The following CCDC148 variants were observed in gnomAD, a reference collection of about 807,000 sequenced individuals.
The protein encoded by CCDC148 is coiled-coil domain-containing protein 148.
CCDC148 carries 89 observed loss-of-function variants against 85.7 expected under a neutral mutation model. That is an observed-to-expected ratio of 1.04 (90% confidence interval 0.87 to 1.24). CCDC148 has a LOEUF of 1.24. Ranked by LOEUF, CCDC148 falls within the 50% of genes most tolerant of loss-of-function variation. CCDC148 has a pLI of 0.00. For missense variants in CCDC148, 692 were observed against 671.7 expected (o/e 1.03, Z -0.33); for synonymous variants, 230 against 213.9 (o/e 1.08, Z -0.66).
intron 1 of CCDC148, among the ~76,000 whole-genome samples, chr2:158,446,075 C>T (rs934131752): frequency 3.9e-5 from 6 of 152,156 alleles, no homozygotes; most frequent in African/African-American, 1.4e-4. Context: ...GGGCCGGGGG[C>T]TATGGCTTAC....
At chr2:158,236,841 C>G (rs1032259787) in intron 10 of CCDC148, among the ~76,000 whole-genome samples, 1 of 152,040 alleles carries the variant, frequency 6.6e-6, no homozygotes, top group African/African-American at 2.4e-5. Context: ...GGGGCTAAAG[C>G]AATAAAGAAA....
At chr2:158,421,121 T>C (rs34154468) in intron 1 of CCDC148, among the ~76,000 whole-genome samples, 5,502 of 152,102 alleles carry the variant, frequency 0.036, 138 homozygotes, top group Non-Finnish European at 0.056. Flanking sequence ...AGACTTAGAC[T>C]CCCACACAAT....
chr2:158,456,565 G>A lies in CCDC148; in HGVS notation c.-126C>T. On this transcript the variant is annotated 5_prime_UTR_variant, in exon 1 of 14. Transcript: ENST00000283233. ...AGCTGTTCCTACCTTTGACGCCAGG[G>A]ACAAACCCTACCAGGCACAGTTGGG... 1 of 1,202,936 alleles carries A rather than the reference G, an allele frequency of 8.3e-7. No homozygotes were observed. The highest frequency in any genetic ancestry group is 1.5e-5 in the South Asian group (1 of 64,738). The allele number at this position is 1,202,936 out of a possible 1,614,324, so 74.5% of individuals were successfully genotyped here.
At chr2:158,221,207 TG>T (rs1427116976) in intron 10 of CCDC148, among the ~76,000 whole-genome samples, 1 of 151,998 alleles carries the variant, frequency 6.6e-6, no homozygotes, top group East Asian at 1.9e-4. Context: ...AGGAGATAGG[TG>T]GGAGGAAGGA....
intron 1 of CCDC148, among the ~76,000 whole-genome samples, chr2:158,423,616 GA>G (rs1347957648): frequency 1.3e-5 from 2 of 152,006 alleles, no homozygotes; most frequent in African/African-American, 4.8e-5. Flanking sequence ...AAAAACCTTA[GA>G]AAAAAACCTA....
chr2:158,409,202 A>T (rs2105312950), intron 1 of CCDC148, among the ~76,000 whole-genome samples: 1 of 152,306 alleles, frequency 6.6e-6, no homozygotes, highest in Admixed American at 6.5e-5. Context: ...TGGGGAACTG[A>T]CTAGTGGAGC....
At chr2:158,306,156 A>C (rs1691675635) in intron 9 of CCDC148, among the ~76,000 whole-genome samples, 1 of 152,172 alleles carries the variant, frequency 6.6e-6, no homozygotes, top group African/African-American at 2.4e-5. Context: ...TGGTGGTGGA[A>C]CTGTTCTATA....
At chr2:158,201,614 G>A (rs1222475119) in intron 11 of CCDC148, among the ~76,000 whole-genome samples, 1 of 152,040 alleles carries the variant, frequency 6.6e-6, no homozygotes, top group Non-Finnish European at 1.5e-5. Context: ...GTTTCACCAT[G>A]TTGCCCAGGC....
At chr2:158,290,236 C>T (rs777927851) in intron 9 of CCDC148, among the ~76,000 whole-genome samples, 3 of 152,010 alleles carry the variant, frequency 2.0e-5, no homozygotes, top group Admixed American at 1.3e-4. Flanking sequence ...AGGAGGCTGG[C>T]GGTGGGAAGG....
intron 1 of CCDC148, among the ~76,000 whole-genome samples, chr2:158,438,663 G>C (rs1486859444): frequency 6.6e-6 from 1 of 151,998 alleles, no homozygotes; most frequent in Non-Finnish European, 1.5e-5. Context: ...CACAGCAAAA[G>C]AAACTACCAT....
intron 13 of CCDC148, among the ~76,000 whole-genome samples, chr2:158,173,316 T>C (rs1684406147): frequency 6.6e-6 from 1 of 152,066 alleles, no homozygotes; most frequent in Admixed American, 6.6e-5. Flanking sequence ...TGAGGAACAC[T>C]GGAAACAGAT....
intron 11 of CCDC148, among the ~76,000 whole-genome samples, chr2:158,214,129 A>C (rs1389487519): frequency 6.6e-6 from 1 of 151,468 alleles, no homozygotes; most frequent in Non-Finnish European, 1.5e-5. Flanking sequence ...GGTAAAAAAA[A>C]AAAAAAAAAA....
At chr2:158,369,799 C>T (rs1684359361) in intron 1 of CCDC148, among the ~76,000 whole-genome samples, 2 of 152,040 alleles carry the variant, frequency 1.3e-5, no homozygotes, top group South Asian at 2.1e-4. Context: ...ATGATATTAG[C>T]TGTGGGTTTG....
chr2:158,352,088 T>C (rs1204321509), intron 2 of CCDC148, among the ~76,000 whole-genome samples: 2 of 143,852 alleles, frequency 1.4e-5, no homozygotes, highest in African/African-American at 5.3e-5. Flanking sequence ...ATCACCATCA[T>C]CAAAGACCAA....
At chr2:158,273,433 T>C (rs2685643) in intron 9 of CCDC148, among the ~76,000 whole-genome samples, 47,285 of 151,936 alleles carry the variant, frequency 0.31, 8,141 homozygotes, top group Middle Eastern at 0.45. Context: ...CTATAAAATG[T>C]CCCCCAAAGT....
chr2:158,412,885 G>T (rs1686328327), intron 1 of CCDC148, among the ~76,000 whole-genome samples: 1 of 148,294 alleles, frequency 6.7e-6, no homozygotes, highest in African/African-American at 2.5e-5. Flanking sequence ...AAGTTTTAGG[G>T]TACATGTGCA....
At chr2:158,431,482 G>GA (rs1559140444) in intron 1 of CCDC148, among the ~76,000 whole-genome samples, 1 of 138,010 alleles carries the variant, frequency 7.2e-6, no homozygotes, top group Non-Finnish European at 1.6e-5. Flanking sequence ...TAAAAAAGGT[G>GA]TTTTTTAAAA....
chr2:158,179,837 T>C (rs1016901079), intron 11 of CCDC148, among the ~76,000 whole-genome samples: 2 of 152,190 alleles, frequency 1.3e-5, no homozygotes, highest in African/African-American at 4.8e-5. Flanking sequence ...AATTGCACTT[T>C]GACATCTGTA....
At chr2:158,333,915 C>T (rs1693284069) in intron 7 of CCDC148, among the ~76,000 whole-genome samples, 1 of 152,106 alleles carries the variant, frequency 6.6e-6, no homozygotes, top group African/African-American at 2.4e-5. Flanking sequence ...CTGGGTCTTT[C>T]ATCTTTCCAC....
Sources: allele counts gnomAD v4.1 joint callset (sites outside exome capture counted in the v4.1 genomes callset), GRCh38; gene constraint gnomAD v4.1.1; transcripts MANE v1.5; gene names NCBI Gene and HGNC (gene_info 2026-07-23, HGNC 2026-07-21).